The following ATG7 variants were observed in gnomAD, a reference collection of about 807,000 sequenced individuals.
ATG7 encodes the protein ubiquitin-like modifier-activating enzyme ATG7.
Under a neutral mutation model 82.4 loss-of-function variants are expected in ATG7, and 70 were observed. The observed-to-expected ratio is 0.85, with a 90% CI of 0.70 to 1.04. The LOEUF (loss-of-function observed/expected upper bound fraction) is 1.04. Among genes scored for constraint, ATG7 ranks in the 50% least tolerant of loss-of-function variants. ATG7 has a pLI of 0.00. For missense variants in ATG7, 792 were observed against 864.3 expected (o/e 0.92, Z 1.05); for synonymous variants, 287 against 313.0 (o/e 0.92, Z 0.88).
At chr3:11,558,470 C>T (rs575356624), downstream of ATG7, 1 of 1,362,260 alleles carries the variant, frequency 7.3e-7, no homozygotes, top group African/African-American at 1.5e-5. Context: ...CACCCCACCC[C>T]CATGATTTTT....
chr3:11,479,787 C>T (rs183427148), intron 20 of ATG7, among the ~76,000 whole-genome samples: 25 of 152,260 alleles, frequency 1.6e-4, no homozygotes, highest in Non-Finnish European at 3.1e-4. Flanking sequence ...TTAATAAACC[C>T]AGCTAACCTC....
intron 20 of ATG7, among the ~76,000 whole-genome samples, chr3:11,552,765 C>T (rs976424387): frequency 4.6e-5 from 7 of 152,222 alleles, no homozygotes; most frequent in Non-Finnish European, 7.3e-5. Flanking sequence ...CGCATCCCCT[C>T]GAGTGGCTCA....
At chr3:11,318,553 C>G (rs1949759407) in intron 9 of ATG7, among the ~76,000 whole-genome samples, 1 of 152,182 alleles carries the variant, frequency 6.6e-6, no homozygotes, top group Admixed American at 6.5e-5. Context: ...TCCTGTCTCC[C>G]CTCCACACTG....
chr3:11,392,604 G>A (rs2078910795), intron 19 of ATG7, among the ~76,000 whole-genome samples: 1 of 152,142 alleles, frequency 6.6e-6, no homozygotes, highest in Non-Finnish European at 1.5e-5. Flanking sequence ...TGTCTCTGTA[G>A]CTTCCTGTGG....
chr3:11,342,220 G>C lies in ATG7; in HGVS notation c.1066G>C (p.Val356Leu). 6.2e-7 allele frequency: 1 copy of C among 1,613,694 alleles called. No homozygotes were observed. The highest frequency in any genetic ancestry group is 8.5e-7 in the Non-Finnish European group (1 of 1,179,998). ...TTTAGACTTGGACAAGGTTGTGTCT[G>C]TCAAATGTCTGCTGCTTGGAGCCGG... ...PTLDLDKVVSVKCLLLGAGTL... is the reference protein window; with the variant it reads ...PTLDLDKVVSLKCLLLGAGTL... Residue 356 changes from valine (V) to leucine (L), a missense_variant, in exon 13 of 21, where the codon GTC becomes CTC. Transcript: ENST00000693202.
At chr3:11,367,078 T>C (rs2076673696) in intron 18 of ATG7, among the ~76,000 whole-genome samples, 1 of 151,260 alleles carries the variant, frequency 6.6e-6, no homozygotes, top group Non-Finnish European at 1.5e-5. Context: ...AGAAAGAAAG[T>C]GGAGAAAGAA....
At position 11,525,899 on chromosome 3, in the gene ATG7, A is replaced by G. The variant is rs138799304; in HGVS notation, c.2080-28912A>G. On this transcript the variant is annotated intron_variant, in intron 20 of 20. Transcript: ENST00000693202. ...CAAAAGACCACTAGCAGCTGCTGAAAAGTTCTGTCACCTTTAATTCCTCAT... is the reference window on the plus strand; with the variant it reads ...CAAAAGACCACTAGCAGCTGCTGAAGAGTTCTGTCACCTTTAATTCCTCAT... Among the ~76,000 whole-genome samples, 44 of 152,152 alleles carry G rather than the reference A, an allele frequency of 2.9e-4. 1 individual carries two copies. The East Asian group carries it at 7.0e-3, about 24-fold the overall frequency.
At chr3:11,405,187 G>T (rs1342703436) in intron 19 of ATG7, among the ~76,000 whole-genome samples, 1 of 152,122 alleles carries the variant, frequency 6.6e-6, no homozygotes, top group Non-Finnish European at 1.5e-5. Flanking sequence ...GTCAAATGAG[G>T]ACATTTTGTC....
At chr3:11,467,755 A>G (rs2086986835) in intron 20 of ATG7, among the ~76,000 whole-genome samples, 1 of 152,138 alleles carries the variant, frequency 6.6e-6, no homozygotes, top group Non-Finnish European at 1.5e-5. Context: ...TGTTCTGTCT[A>G]CCACCCCAGC....
intron 20 of ATG7, among the ~76,000 whole-genome samples, chr3:11,465,312 G>A (rs1208014026): frequency 1.3e-5 from 2 of 151,912 alleles, no homozygotes; most frequent in African/African-American, 4.8e-5. Context: ...GTGCATGGTG[G>A]TGGGCACCTG....
the ATG7 span, among the ~76,000 whole-genome samples, chr3:11,566,792 A>G: frequency 1.3e-5 from 2 of 152,044 alleles, no homozygotes; most frequent in Non-Finnish European, 2.9e-5. Flanking sequence ...CTCTTCGTCT[A>G]CGCACCCGCC....
intron 9 of ATG7, among the ~76,000 whole-genome samples, chr3:11,318,926 A>G (rs974985722): frequency 6.6e-6 from 1 of 152,168 alleles, no homozygotes; most frequent in Admixed American, 6.5e-5. Context: ...GTGTTCTGGT[A>G]GCAGCCTCCT....
intron 7 of ATG7, among the ~76,000 whole-genome samples, chr3:11,310,627 T>C (rs1948498946): frequency 6.6e-6 from 1 of 152,100 alleles, no homozygotes; most frequent in African/African-American, 2.4e-5. Context: ...GTTTGGGTAA[T>C]TCTGTAGTTT....
At chr3:11,279,938 GTTT>G (rs34457373) in intron 1 of ATG7, among the ~76,000 whole-genome samples, 3 of 143,602 alleles carry the variant, frequency 2.1e-5, no homozygotes, top group African/African-American at 2.5e-5. Flanking sequence ...GGGGACCATA[GTTT>G]TTTTTTTTTT....
chr3:11,489,146 C>T (rs376643856), intron 20 of ATG7, among the ~76,000 whole-genome samples: 23 of 152,276 alleles, frequency 1.5e-4, no homozygotes, highest in African/African-American at 4.8e-4. Context: ...GTGTATGTGT[C>T]GAGGAATTTA....
At chr3:11,571,190 G>A in the ATG7 span, among the ~76,000 whole-genome samples, 1 of 152,140 alleles carries the variant, frequency 6.6e-6, no homozygotes, top group African/African-American at 2.4e-5. Flanking sequence ...CAATAGCGGG[G>A]TCCATCCTCG....
In ATG7 at chr3:11,321,193, T is replaced by C. The variant is rs1012068451; in HGVS notation, c.678+5700T>C. ...GAGTGCTGACATGCTTGGAGGAAGA[T>C]GAAGGAAAAGACAGGAGTTAGCCTG... On this transcript the variant is annotated intron_variant, in intron 9 of 20. Coordinates refer to ENST00000693202, the MANE Select transcript of ATG7 (RefSeq NM_001349232.2). 3.9e-5 allele frequency among the ~76,000 whole-genome samples: 6 copies of C among 152,156 alleles called. 1 individual carries two copies. Among genetic ancestry groups the C allele is most frequent in the Admixed American group, 3.9e-4 (6 of 15,274 alleles).
chr3:11,502,043 C>CACAG (rs201645133), intron 20 of ATG7, among the ~76,000 whole-genome samples: 1 of 151,132 alleles, frequency 6.6e-6, no homozygotes, highest in Non-Finnish European at 1.5e-5. Flanking sequence ...CACATACACA[C>CACAG]ATATGTTTAT....
At chr3:11,308,345 G>C (rs1368932692) in intron 6 of ATG7, 1 of 152,386 alleles carries the variant, frequency 6.6e-6, no homozygotes, top group African/African-American at 2.4e-5. Context: ...AGTACTTGCT[G>C]AGTATACATA....
Sources: gnomAD v4.1 joint callset for allele counts (sites outside exome capture counted in the v4.1 genomes callset) on GRCh38, gnomAD v4.1.1 for gene constraint, MANE v1.5 for transcripts, NCBI Gene and HGNC (gene_info 2026-07-23, HGNC 2026-07-21) for gene names.